The following CSMD3 variants were observed in gnomAD, a reference collection of about 807,000 sequenced individuals.
CSMD3 encodes the protein CUB and sushi domain-containing protein 3.
A neutral mutation model predicts 435.2 loss-of-function variants in CSMD3; 177 were observed. The ratio of observed to expected loss-of-function variants is 0.41; its 90% CI spans 0.36 to 0.46. CSMD3 has a LOEUF of 0.46. Ranked by LOEUF, CSMD3 falls within the 20% of genes least tolerant of loss-of-function variation. CSMD3 has a pLI of 0.34. For missense variants in CSMD3, 4,265 were observed against 4,504.6 expected (o/e 0.95, Z 1.52); for synonymous variants, 1,656 against 1,520.5 (o/e 1.09, Z -2.07).
At chr8:112,454,704 T>C (rs182700402) in intron 32 of CSMD3, among the ~76,000 whole-genome samples, 79 of 152,126 alleles carry the variant, frequency 5.2e-4, no homozygotes, top group African/African-American at 1.7e-3. Context: ...AACTTAAAAA[T>C]ACCTAGATAG....
chr8:112,954,800 A>G (rs2083952291), intron 7 of CSMD3, 39 bp from the exon 8 acceptor site: 2 of 1,179,160 alleles, frequency 1.7e-6, no homozygotes, highest in African/African-American at 1.5e-5. Flanking sequence ...ATCAGGAAAT[A>G]CAATTTTAAA....
At chr8:113,427,786 C>T (rs1369316346) in intron 1 of CSMD3, among the ~76,000 whole-genome samples, 1 of 151,610 alleles carries the variant, frequency 6.6e-6, no homozygotes, top group Non-Finnish European at 1.5e-5. Context: ...ATTGGGGACA[C>T]TCTGAGAACT....
intron 5 of CSMD3, among the ~76,000 whole-genome samples, chr8:113,033,962 G>A (rs2087233366): frequency 6.6e-6 from 1 of 151,370 alleles, no homozygotes. Context: ...AATTTCCCCT[G>A]TATACTCTCT....
At chr8:112,791,540 A>C (rs969773028) in intron 13 of CSMD3, among the ~76,000 whole-genome samples, 9 of 152,156 alleles carry the variant, frequency 5.9e-5, no homozygotes, top group Non-Finnish European at 1.2e-4. Context: ...ATTGATTTTC[A>C]TTCATGTTGC....
chr8:113,071,431 A>G (rs2089114518), intron 5 of CSMD3, among the ~76,000 whole-genome samples: 1 of 151,956 alleles, frequency 6.6e-6, no homozygotes, highest in Non-Finnish European at 1.5e-5. Flanking sequence ...GTTTTCTTCT[A>G]GTAGTTTTAT....
At chr8:113,024,385 T>C (rs2086797136) in intron 5 of CSMD3, among the ~76,000 whole-genome samples, 1 of 151,240 alleles carries the variant, frequency 6.6e-6, no homozygotes. Flanking sequence ...AGTCGATTAC[T>C]TGACTATTGT....
At chr8:113,074,691 T>C (rs1331151398) in intron 5 of CSMD3, among the ~76,000 whole-genome samples, 2 of 151,878 alleles carry the variant, frequency 1.3e-5, no homozygotes, top group African/African-American at 4.8e-5. Context: ...TACTTTATTT[T>C]ATGACCATGA....
intron 17 of CSMD3, among the ~76,000 whole-genome samples, chr8:112,660,446 T>G (rs2075353781): frequency 6.6e-6 from 1 of 152,202 alleles, no homozygotes; most frequent in Admixed American, 6.6e-5. Flanking sequence ...GTGTAAGATG[T>G]AGATTATTAA....
intron 1 of CSMD3, among the ~76,000 whole-genome samples, chr8:113,435,921 T>G (rs2094703338): frequency 6.6e-6 from 1 of 151,944 alleles, no homozygotes; most frequent in Admixed American, 6.6e-5. Flanking sequence ...CCCCCTCCCC[T>G]ATCTGTGCAT....
At chr8:113,409,072 T>C (rs2094546092) in intron 1 of CSMD3, among the ~76,000 whole-genome samples, 1 of 143,864 alleles carries the variant, frequency 7.0e-6, no homozygotes, top group African/African-American at 2.5e-5. Context: ...TTCTTCTTCT[T>C]CTTCTTCTTT....
chr8:113,054,753 G>A (rs571516503), intron 5 of CSMD3, among the ~76,000 whole-genome samples: 3 of 151,892 alleles, frequency 2.0e-5, no homozygotes, highest in Admixed American at 6.6e-5. Flanking sequence ...TTCTGTACAC[G>A]CTGTCTTCAT....
chr8:112,576,285 T>G (rs184451576), intron 23 of CSMD3, among the ~76,000 whole-genome samples: 1 of 152,178 alleles, frequency 6.6e-6, no homozygotes, highest in Admixed American at 6.6e-5. Flanking sequence ...AAGCAAAAAT[T>G]AATGATAGTA....
chr8:112,988,285 G>A (rs2085326927), intron 6 of CSMD3, among the ~76,000 whole-genome samples: 1 of 151,996 alleles, frequency 6.6e-6, no homozygotes, highest in South Asian at 2.1e-4. Flanking sequence ...GAATTTAAGA[G>A]AACAAAGTAA....
intron 5 of CSMD3, among the ~76,000 whole-genome samples, chr8:113,096,542 C>T (rs1407004006): frequency 2.6e-5 from 4 of 152,004 alleles, no homozygotes; most frequent in African/African-American, 9.7e-5. Context: ...ATTCTCCACA[C>T]GGTAGCCACA....
chr8:113,024,050 C>T (rs528615864), intron 5 of CSMD3, among the ~76,000 whole-genome samples: 1 of 152,106 alleles, frequency 6.6e-6, no homozygotes, highest in Non-Finnish European at 1.5e-5. Flanking sequence ...AATTTATACC[C>T]ATTGACCAAC....
At chr8:113,067,834 G>A (rs770369030) in intron 5 of CSMD3, among the ~76,000 whole-genome samples, 1 of 151,962 alleles carries the variant, frequency 6.6e-6, no homozygotes, top group Non-Finnish European at 1.5e-5. Context: ...AGTTAATATC[G>A]CTCTTTAACT....
At chr8:112,325,894 G>A (rs1457749699) in intron 45 of CSMD3, among the ~76,000 whole-genome samples, 1 of 152,060 alleles carries the variant, frequency 6.6e-6, no homozygotes, top group African/African-American at 2.4e-5. Flanking sequence ...CCAAAGGGCA[G>A]TTATGAGAAT....
chr8:112,539,569 T>C (rs1426454368), intron 27 of CSMD3, among the ~76,000 whole-genome samples: 2 of 151,966 alleles, frequency 1.3e-5, no homozygotes, highest in Admixed American at 6.6e-5. Context: ...GACATAAAAA[T>C]AGACACACAG....
chr8:113,207,894 T>C (rs1349187671), intron 3 of CSMD3, among the ~76,000 whole-genome samples: 1 of 152,162 alleles, frequency 6.6e-6, no homozygotes, highest in Non-Finnish European at 1.5e-5. Context: ...CTTAACAATA[T>C]ACCTCACAAC....
Sources: allele counts gnomAD v4.1 joint callset (sites outside exome capture counted in the v4.1 genomes callset), GRCh38; gene constraint gnomAD v4.1.1; transcripts MANE v1.5; gene names NCBI Gene and HGNC (gene_info 2026-07-23, HGNC 2026-07-21).